FAM135A: variants seen among roughly 807,000 people sequenced by gnomAD.
The protein encoded by FAM135A is protein FAM135A.
Under a neutral mutation model 146.8 loss-of-function variants are expected in FAM135A, and 79 were observed. The ratio of observed to expected loss-of-function variants is 0.54; its 90% CI spans 0.45 to 0.65. The LOEUF (loss-of-function observed/expected upper bound fraction) is 0.65, where lower values mean the gene tolerates loss of function less well. Among genes scored for constraint, FAM135A ranks in the 30% least tolerant of loss-of-function variants. The pLI is 0.00. For synonymous variants in FAM135A, 562 were observed against 603.6 expected (o/e 0.93, Z 1.01); for missense variants, 1,623 against 1,758.2 (o/e 0.92, Z 1.38).
chr6:70,420,320 G>C (rs1768535437), intron 2 of FAM135A, among the ~76,000 whole-genome samples: 1 of 152,188 alleles, frequency 6.6e-6, no homozygotes, highest in Admixed American at 6.5e-5. Context: ...CATCTTGAGG[G>C]ACCTGTGTCT....
intron 20 of FAM135A, among the ~76,000 whole-genome samples, chr6:70,545,484 G>A (rs571462219): frequency 6.6e-6 from 1 of 151,934 alleles, no homozygotes; most frequent in Non-Finnish European, 1.5e-5. Flanking sequence ...GTGTGGTGGC[G>A]CACACCTGTA....
At chr6:70,472,520 C>G (rs1781818202) in intron 5 of FAM135A, among the ~76,000 whole-genome samples, 3 of 152,124 alleles carry the variant, frequency 2.0e-5, no homozygotes, top group Admixed American at 2.0e-4. Context: ...TCCTGCATAA[C>G]CCCAATACAT....
intron 4 of FAM135A, among the ~76,000 whole-genome samples, chr6:70,449,197 G>T (rs1201374516): frequency 6.6e-5 from 10 of 151,854 alleles, no homozygotes; most frequent in Non-Finnish European, 5.9e-5. Flanking sequence ...TTGGATGTAT[G>T]TATTAAATCA....
intron 11 of FAM135A, 61 bp downstream of exon 11, chr6:70,491,144 T>C: frequency 7.5e-7 from 1 of 1,340,856 alleles, no homozygotes; most frequent in Non-Finnish European, 1.0e-6. Context: ...TTTCCTATTC[T>C]AAATATTTTG....
chr6:70,464,475 T>A (rs898795571), intron 5 of FAM135A, among the ~76,000 whole-genome samples: 2 of 152,086 alleles, frequency 1.3e-5, no homozygotes, highest in Admixed American at 6.6e-5. Flanking sequence ...CTTAATGGAG[T>A]TGTTATCATC....
rs1801662158 is a variant in FAM135A at position 70,560,124 on chromosome 6, A to C, written c.*203A>C. 1 of 492,254 alleles carries C rather than the reference A, an allele frequency of 2.0e-6. No individual in the cohort carries two copies. Among genetic ancestry groups the C allele is most frequent in the Admixed American group, 3.8e-5 (1 of 26,272 alleles). The allele number at this position is 492,254 out of a possible 1,614,324, so 30.5% of individuals were successfully genotyped here. On this transcript the variant is annotated 3_prime_UTR_variant, in exon 22 of 22. Coordinates refer to ENST00000418814, the MANE Select transcript of FAM135A (RefSeq NM_001162529.3). ...AATGTGGCTGTGCAATATTTTTTTA[A>C]TTTTATCTTTTTACTTTTCTATTAC...
At chr6:70,446,548 C>T (rs1021114039) in intron 4 of FAM135A, among the ~76,000 whole-genome samples, 3 of 152,036 alleles carry the variant, frequency 2.0e-5, no homozygotes, top group African/African-American at 7.2e-5. Context: ...TTTTTTCTGG[C>T]CAGGTTCAAT....
In FAM135A at chr6:70,442,529, T is replaced by A. The variant is rs912753082; in HGVS notation, c.78-9963T>A. The stretch of plus-strand genomic sequence containing the variant: ...CCTCATCCCATAGGTAACCATTTTA[T>A]TTTTATTAGTTTTTGGTATATCCTT... On this transcript the variant is annotated intron_variant, in intron 4 of 21. Transcript: ENST00000418814. Among the ~76,000 whole-genome samples the A allele has an allele frequency of 2.0e-5, 3 of 152,146 alleles. No homozygotes were observed. In the South Asian group the frequency reaches 6.2e-4, roughly 32 times the overall value.
chr6:70,533,305 C>G (rs962278695), intron 17 of FAM135A, 54 bp downstream of exon 17: 1 of 1,441,152 alleles, frequency 6.9e-7, no homozygotes, highest in Non-Finnish European at 9.5e-7. Context: ...CCAGTTTCTA[C>G]CTAAATTTTG....
At chr6:70,485,295 ATATAT>A (rs1246956108) in intron 10 of FAM135A, among the ~76,000 whole-genome samples, 6 of 152,226 alleles carry the variant, frequency 3.9e-5, no homozygotes, top group African/African-American at 4.8e-5. Flanking sequence ...AATATTGGTA[ATATAT>A]TGTGGTGTTC....
At chr6:70,543,073 T>C (rs1798228403) in intron 20 of FAM135A, among the ~76,000 whole-genome samples, 1 of 152,212 alleles carries the variant, frequency 6.6e-6, no homozygotes, top group African/African-American at 2.4e-5. Flanking sequence ...GTATGTACCA[T>C]AGCTCTTCTA....
intron 5 of FAM135A, among the ~76,000 whole-genome samples, chr6:70,465,710 G>A (rs1275639715): frequency 1.3e-5 from 2 of 152,002 alleles, no homozygotes; most frequent in Admixed American, 6.6e-5. Flanking sequence ...ATTTTTTGAG[G>A]AACCCCCATA....
At chr6:70,481,500 G>A (rs1046703009) in intron 9 of FAM135A, among the ~76,000 whole-genome samples, 6 of 152,070 alleles carry the variant, frequency 3.9e-5, no homozygotes, top group Non-Finnish European at 8.8e-5. Flanking sequence ...AATAATGGTG[G>A]CACATGTCTG....
intron 5 of FAM135A, among the ~76,000 whole-genome samples, chr6:70,459,651 T>C (rs765497619): frequency 1.3e-5 from 2 of 152,202 alleles, no homozygotes; most frequent in Non-Finnish European, 2.9e-5. Flanking sequence ...TAAATGTATT[T>C]TGTTTAGTTT....
intron 15 of FAM135A, among the ~76,000 whole-genome samples, chr6:70,527,952 T>G (rs1795068256): frequency 6.6e-6 from 1 of 152,164 alleles, no homozygotes; most frequent in Admixed American, 6.5e-5. Context: ...GATTATCACC[T>G]CTCCAGTCCC....
At chr6:70,413,949 C>T (rs1423628354) in intron 1 of FAM135A, 2 of 985,430 alleles carry the variant, frequency 2.0e-6, no homozygotes, top group East Asian at 1.1e-4. Context: ...CTCCCGGTGC[C>T]CGCGGCCGCC....
At chr6:70,420,881 C>CTT (rs769247397) in intron 2 of FAM135A, among the ~76,000 whole-genome samples, 4 of 145,896 alleles carry the variant, frequency 2.7e-5, no homozygotes, top group Non-Finnish European at 4.6e-5. Flanking sequence ...GCACACACTA[C>CTT]TTTTTTTTTT....
intron 16 of FAM135A, among the ~76,000 whole-genome samples, chr6:70,531,072 A>C (rs935028719): frequency 1.3e-5 from 2 of 152,232 alleles, no homozygotes; most frequent in Non-Finnish European, 2.9e-5. Context: ...TGCCCTCTTC[A>C]TGAGAATAAT....
chr6:70,448,837 C>T (rs190251700), intron 4 of FAM135A, among the ~76,000 whole-genome samples: 2 of 152,304 alleles, frequency 1.3e-5, no homozygotes, highest in East Asian at 3.9e-4. Flanking sequence ...CCTTAAGGCA[C>T]AGATTGCTCA....
Sources: gnomAD v4.1 joint callset for allele counts (sites outside exome capture counted in the v4.1 genomes callset) on GRCh38, gnomAD v4.1.1 for gene constraint, MANE v1.5 for transcripts, NCBI Gene and HGNC (gene_info 2026-07-23, HGNC 2026-07-21) for gene names.